The following SNTG1 variants were observed in gnomAD, a reference collection of about 807,000 sequenced individuals.
SNTG1 encodes the protein gamma-1-syntrophin.
In SNTG1, 39 loss-of-function variants were observed where a neutral mutation model predicts 74.7. The observed-to-expected ratio is 0.52, with a 90% CI of 0.40 to 0.68. SNTG1 has a LOEUF of 0.68. Among genes scored for constraint, SNTG1 ranks in the 30% least tolerant of loss-of-function variants. The pLI is 0.00. For missense variants in SNTG1, 685 were observed against 609.5 expected, an observed-to-expected ratio of 1.12 and a Z score of -1.30; for synonymous variants, 254 against 217.1, an observed-to-expected ratio of 1.17 and a Z score of -1.49.
chr8:50,373,974 T>C (rs1176703267), intron 2 of SNTG1, among the ~76,000 whole-genome samples: 3 of 152,344 alleles, frequency 2.0e-5, no homozygotes, highest in South Asian at 4.1e-4. Context: ...AGTCCTGGGA[T>C]CTCTGATGTA....
In SNTG1 at chr8:50,546,938, T is replaced by C. The variant is rs150356556; in HGVS notation, c.681-6112T>C. ...CTGAGATTACAGGTGCCCACAACCA[T>C]GCCTGGCTAATTTTTGTGTTTTTTA... On this transcript the variant is annotated intron_variant, in intron 11 of 18. Coordinates refer to ENST00000642720, the MANE Select transcript of SNTG1 (RefSeq NM_018967.5). Among the ~76,000 whole-genome samples the C allele has an allele frequency of 2.0e-4, 31 of 152,148 alleles. No individual in the cohort carries two copies. The East Asian group carries it at 5.8e-3, about 29-fold the overall frequency.
chr8:50,717,662 T>C (rs950091831), intron 17 of SNTG1, among the ~76,000 whole-genome samples: 1 of 152,242 alleles, frequency 6.6e-6, no homozygotes, highest in Non-Finnish European at 1.5e-5. Context: ...GAGTTGCTTC[T>C]GCAAATCATA....
At chr8:49,992,872 C>T (rs1585804501) in intron 1 of SNTG1, among the ~76,000 whole-genome samples, 1 of 152,100 alleles carries the variant, frequency 6.6e-6, no homozygotes. Context: ...ATACTAAAAT[C>T]ACCTTTATTA....
At chr8:50,021,967 T>G (rs1035367447) in intron 1 of SNTG1, among the ~76,000 whole-genome samples, 3 of 146,760 alleles carry the variant, frequency 2.0e-5, no homozygotes, top group Non-Finnish European at 3.0e-5. Flanking sequence ...AAAATAAAAA[T>G]AAAAAGAAGA....
intron 2 of SNTG1, among the ~76,000 whole-genome samples, chr8:50,251,555 C>A (rs952795205): frequency 3.3e-5 from 5 of 151,150 alleles, no homozygotes; most frequent in African/African-American, 4.9e-5. Flanking sequence ...AAATGGAAAC[C>A]AAAACCAAGC....
At chr8:49,944,290 A>G (rs1397351514) in intron 1 of SNTG1, among the ~76,000 whole-genome samples, 1 of 152,072 alleles carries the variant, frequency 6.6e-6, no homozygotes, top group Non-Finnish European at 1.5e-5. Flanking sequence ...GTAGGGTGTG[A>G]GTCTAGAATT....
chr8:50,130,197 C>T (rs906322673), intron 1 of SNTG1, among the ~76,000 whole-genome samples: 1 of 151,950 alleles, frequency 6.6e-6, no homozygotes, highest in African/African-American at 2.4e-5. Context: ...AATAAGTTAT[C>T]CTGAATGTAG....
intron 18 of SNTG1, among the ~76,000 whole-genome samples, chr8:50,787,213 AT>A (rs1244365770): frequency 6.6e-6 from 1 of 151,960 alleles, no homozygotes; most frequent in Non-Finnish European, 1.5e-5. Context: ...AGATATTCAA[AT>A]TGTCAATAAG....
At chr8:50,232,832 T>C (rs2085697876) in intron 2 of SNTG1, among the ~76,000 whole-genome samples, 1 of 151,628 alleles carries the variant, frequency 6.6e-6, no homozygotes, top group East Asian at 1.9e-4. Flanking sequence ...TTACTTACAA[T>C]TGCTCAAAAA....
At chr8:50,096,096 A>T (rs2079916708) in intron 1 of SNTG1, among the ~76,000 whole-genome samples, 1 of 152,186 alleles carries the variant, frequency 6.6e-6, no homozygotes, top group African/African-American at 2.4e-5. Flanking sequence ...TTAAATCTTT[A>T]TAATGATGTG....
chr8:50,376,756 T>TATAGAGAGAGAGAG lies in SNTG1; in HGVS notation c.-27-17455_-27-17454insTAGAGAGAGAGAGA, dbSNP rs1381048539. 2.3e-3 allele frequency among the ~76,000 whole-genome samples: 204 copies of TATAGAGAGAGAGAG among 89,922 alleles called. 1 individual carries two copies. Among genetic ancestry groups the TATAGAGAGAGAGAG allele is most frequent in the Non-Finnish European group, 3.7e-3 (167 of 44,618 alleles). The allele number at this position is 89,922 out of a possible 152,430, so 59.0% of individuals were successfully genotyped here. On this transcript the variant is annotated intron_variant, in intron 2 of 18. Transcript: ENST00000642720. The stretch of plus-strand genomic sequence containing the variant: ...ATATATATATATATATATATATATA[T>TATAGAGAGAGAGAG]AGAGAGAGAGAGAGAGAGAGAGAGA...
At position 50,279,922 on chromosome 8, in the gene SNTG1, T is replaced by G. The variant is rs561468474; in HGVS notation, c.-28+107287T>G. ...ACACATTTTAGAGATGTAGTCATCC[T>G]TCTCTTCCTGGAGCAGAGAGGGAGA... On this transcript the variant is annotated intron_variant, in intron 2 of 18. Coordinates refer to ENST00000642720, the MANE Select transcript of SNTG1 (RefSeq NM_018967.5). Among the ~76,000 whole-genome samples, 14 of 152,354 alleles carry G rather than the reference T, an allele frequency of 9.2e-5. No homozygotes were observed. The East Asian group carries it at 2.5e-3, about 27-fold the overall frequency.
chr8:50,329,643 G>T (rs574118712), intron 2 of SNTG1, among the ~76,000 whole-genome samples: 2 of 151,900 alleles, frequency 1.3e-5, no homozygotes, highest in Non-Finnish European at 2.9e-5. Flanking sequence ...CCTGGGCCTG[G>T]TCCACAAAAT....
chr8:50,773,717 T>A (rs2095633062), intron 18 of SNTG1, among the ~76,000 whole-genome samples: 1 of 152,080 alleles, frequency 6.6e-6, no homozygotes, highest in Non-Finnish European at 1.5e-5. Flanking sequence ...ATTGAAAACA[T>A]TCTCAAAATT....
At chr8:50,366,435 A>G (rs181751135) in intron 2 of SNTG1, among the ~76,000 whole-genome samples, 3 of 152,166 alleles carry the variant, frequency 2.0e-5, no homozygotes, top group African/African-American at 4.8e-5. Flanking sequence ...AACCATGTCC[A>G]TGACCATCTT....
intron 1 of SNTG1, among the ~76,000 whole-genome samples, chr8:50,070,283 G>A (rs1386516023): frequency 6.6e-6 from 1 of 151,972 alleles, no homozygotes; most frequent in East Asian, 1.9e-4. Flanking sequence ...TGAAAATCGA[G>A]ATTAAAAAAA....
chr8:50,108,620 A>C (rs1425265623), intron 1 of SNTG1, among the ~76,000 whole-genome samples: 4 of 152,196 alleles, frequency 2.6e-5, no homozygotes, highest in Admixed American at 6.6e-5. Flanking sequence ...AATAACAACA[A>C]AAATGATTTA....
chr8:49,946,902 C>T (rs1248062424), intron 1 of SNTG1, among the ~76,000 whole-genome samples: 1 of 152,122 alleles, frequency 6.6e-6, no homozygotes, highest in African/African-American at 2.4e-5. Flanking sequence ...CCCAAATATT[C>T]ATATTTTCAA....
chr8:50,156,214 C>T (rs1328827990), intron 1 of SNTG1, among the ~76,000 whole-genome samples: 1 of 152,028 alleles, frequency 6.6e-6, no homozygotes, highest in Non-Finnish European at 1.5e-5. Flanking sequence ...AACAATTATA[C>T]AAAACTTACA....
Sources: gnomAD v4.1 joint callset for allele counts (sites outside exome capture counted in the v4.1 genomes callset) on GRCh38, gnomAD v4.1.1 for gene constraint, MANE v1.5 for transcripts, NCBI Gene and HGNC (gene_info 2026-07-23, HGNC 2026-07-21) for gene names.